PCDH9: variants seen among roughly 807,000 people sequenced by gnomAD.
PCDH9 encodes the protein protocadherin 9.
A neutral mutation model predicts 70.6 loss-of-function variants in PCDH9; 24 were observed. The ratio of observed to expected loss-of-function variants is 0.34; its 90% CI spans 0.25 to 0.48. The LOEUF (loss-of-function observed/expected upper bound fraction) is 0.48, where lower values mean the gene tolerates loss of function less well. Ranked by LOEUF, PCDH9 falls within the 20% of genes least tolerant of loss-of-function variation. The probability of loss-of-function intolerance (pLI) is 0.99; values close to 1 mark genes in which losing one functional copy is unlikely to be tolerated. For missense variants in PCDH9, 1,281 were observed against 1,503.6 expected, an observed-to-expected ratio of 0.85 and a Z score of 2.45; for synonymous variants, 562 against 558.5, an observed-to-expected ratio of 1.01 and a Z score of -0.09.
intron 2 of PCDH9, among the ~76,000 whole-genome samples, chr13:67,190,592 T>A (rs2088884118): frequency 6.6e-6 from 1 of 152,028 alleles, no homozygotes; most frequent in Non-Finnish European, 1.5e-5. Flanking sequence ...GCTTTGAAAA[T>A]GCTGGGTGGT....
chr13:66,520,136 G>A (rs540273239), intron 4 of PCDH9, among the ~76,000 whole-genome samples: 8 of 152,040 alleles, frequency 5.3e-5, no homozygotes, highest in Admixed American at 2.0e-4. Context: ...TGCCCTTTAC[G>A]TCCTTTCCCT....
At chr13:66,421,105 T>C (rs2138348939) in intron 4 of PCDH9, among the ~76,000 whole-genome samples, 2 of 149,472 alleles carry the variant, frequency 1.3e-5, no homozygotes, top group Middle Eastern at 7.0e-3. Context: ...CTTAATGAAA[T>C]AAAGTGTGAA....
At chr13:66,501,746 A>G (rs1959178076) in intron 4 of PCDH9, among the ~76,000 whole-genome samples, 1 of 152,058 alleles carries the variant, frequency 6.6e-6, no homozygotes, top group African/African-American at 2.4e-5. Context: ...AAAAAAATCA[A>G]ACTGACCAAA....
chr13:66,777,111 C>A (rs980853150), intron 3 of PCDH9, among the ~76,000 whole-genome samples: 1 of 150,784 alleles, frequency 6.6e-6, no homozygotes, highest in Non-Finnish European at 1.5e-5. Flanking sequence ...CTTCCTTACA[C>A]CTTATACAAA....
chr13:66,485,094 A>T (rs1374001908), intron 4 of PCDH9, among the ~76,000 whole-genome samples: 3 of 152,236 alleles, frequency 2.0e-5, no homozygotes, highest in Non-Finnish European at 4.4e-5. Flanking sequence ...AGAAAGGCAG[A>T]TGATAAATTC....
At chr13:66,649,811 A>C (rs2077824740) in intron 3 of PCDH9, among the ~76,000 whole-genome samples, 1 of 152,036 alleles carries the variant, frequency 6.6e-6, no homozygotes, top group Non-Finnish European at 1.5e-5. Flanking sequence ...AAAAAGGTAA[A>C]AAGCAGTGGG....
intron 2 of PCDH9, among the ~76,000 whole-genome samples, chr13:66,947,163 G>A (rs2083101455): frequency 6.6e-6 from 1 of 152,074 alleles, no homozygotes; most frequent in Admixed American, 6.6e-5. Context: ...GAATATACAA[G>A]GTCAGACAAT....
chr13:66,968,908 A>C (rs1324970448), intron 2 of PCDH9, among the ~76,000 whole-genome samples: 1 of 152,044 alleles, frequency 6.6e-6, no homozygotes, highest in East Asian at 1.9e-4. Context: ...TCAGTTAAGG[A>C]GAGCTAGAAT....
At position 66,997,432 on chromosome 13, in the gene PCDH9, C is replaced by T. The variant is rs570894728; in HGVS notation, c.3037-93827G>A. The stretch of plus-strand genomic sequence containing the variant: ...AGAACTCATTACCAGGAGGACAGCA[C>T]CAAGCCATTCATGAGAGATGCACTC... On this transcript the variant is annotated intron_variant, in intron 2 of 4. Coordinates refer to ENST00000377865, the MANE Select transcript of PCDH9 (RefSeq NM_203487.3). Among the ~76,000 whole-genome samples the T allele has an allele frequency of 1.4e-4, 21 of 152,318 alleles. No individual in the cohort carries two copies. The South Asian group carries it at 4.3e-3, about 32-fold the overall frequency.
At chr13:66,645,715 A>T (rs1286479682) in intron 3 of PCDH9, among the ~76,000 whole-genome samples, 1 of 152,184 alleles carries the variant, frequency 6.6e-6, no homozygotes, top group Non-Finnish European at 1.5e-5. Context: ...AACATTGTTG[A>T]TCACCTACTT....
At chr13:66,870,136 C>A (rs2081649026) in intron 3 of PCDH9, among the ~76,000 whole-genome samples, 1 of 152,182 alleles carries the variant, frequency 6.6e-6, no homozygotes, top group African/African-American at 2.4e-5. Flanking sequence ...CAGCTTCCTA[C>A]ATATGGCTAG....
intron 3 of PCDH9, among the ~76,000 whole-genome samples, chr13:66,769,689 T>A (rs566162483): frequency 2.0e-5 from 3 of 152,106 alleles, no homozygotes; most frequent in Middle Eastern, 6.3e-3. Flanking sequence ...AAAAATGATG[T>A]CCTTAAATGT....
At chr13:66,726,737 T>C (rs1354019074) in intron 3 of PCDH9, among the ~76,000 whole-genome samples, 1 of 152,218 alleles carries the variant, frequency 6.6e-6, no homozygotes. Context: ...ATCCAATGTC[T>C]TGCACGATTC....
intron 2 of PCDH9, among the ~76,000 whole-genome samples, chr13:67,154,142 A>C (rs1334152697): frequency 1.3e-5 from 2 of 152,198 alleles, no homozygotes; most frequent in African/African-American, 4.8e-5. Flanking sequence ...ATTAAGCACT[A>C]GTTTAGAACA....
At chr13:66,995,686 A>T (rs1220560111) in intron 2 of PCDH9, among the ~76,000 whole-genome samples, 7 of 152,184 alleles carry the variant, frequency 4.6e-5, no homozygotes, top group Admixed American at 4.6e-4. Context: ...TGTAGCAAAG[A>T]CTACTGCTTC....
intron 2 of PCDH9, chr13:67,211,717 AT>A (rs2089472236): frequency 6.6e-6 from 1 of 152,220 alleles, no homozygotes; most frequent in Admixed American, 6.5e-5. Flanking sequence ...CAACGTTTAT[AT>A]CATTGCATTG....
At chr13:66,632,696 T>C (rs546839760) in intron 3 of PCDH9, among the ~76,000 whole-genome samples, 44 of 152,266 alleles carry the variant, frequency 2.9e-4, no homozygotes, top group African/African-American at 1.1e-3. Context: ...TATTTATAAT[T>C]ATGTGGGGTG....
chr13:66,964,564 C>A (rs1343481049), intron 2 of PCDH9, among the ~76,000 whole-genome samples: 1 of 151,810 alleles, frequency 6.6e-6, no homozygotes, highest in Non-Finnish European at 1.5e-5. Flanking sequence ...CTATTTATAT[C>A]TCAATCTATG....
chr13:66,475,182 T>C (rs1594038065), intron 4 of PCDH9, among the ~76,000 whole-genome samples: 1 of 152,098 alleles, frequency 6.6e-6, no homozygotes, highest in Admixed American at 6.6e-5. Flanking sequence ...AAAGCATTTG[T>C]TGTTGGTTGT....
Sources: allele counts gnomAD v4.1 joint callset (sites outside exome capture counted in the v4.1 genomes callset), GRCh38; gene constraint gnomAD v4.1.1; transcripts MANE v1.5; gene names NCBI Gene and HGNC (gene_info 2026-07-23, HGNC 2026-07-21).